The following HSF2BP variants were observed in gnomAD, a reference collection of about 807,000 sequenced individuals.
HSF2BP encodes heat shock factor 2-binding protein.
Under a neutral mutation model 35.0 loss-of-function variants are expected in HSF2BP, and 35 were observed. That is an observed-to-expected ratio of 1.00 (90% CI 0.76 to 1.32). HSF2BP has a LOEUF of 1.32. Ranked by LOEUF, HSF2BP falls within the 40% of genes most tolerant of loss-of-function variation. HSF2BP has a pLI of 0.00. For synonymous variants in HSF2BP, 114 were observed against 117.4 expected (o/e 0.97, Z 0.18); for missense variants, 326 against 321.7 (o/e 1.01, Z -0.10).
At chr21:43,594,833 C>T (rs1401809251) in intron 7 of HSF2BP, among the ~76,000 whole-genome samples, 1 of 152,036 alleles carries the variant, frequency 6.6e-6, no homozygotes, top group East Asian at 1.9e-4. Context: ...TAAATAAATC[C>T]AATTATTTCA....
intron 5 of HSF2BP, among the ~76,000 whole-genome samples, chr21:43,631,177 T>C (rs1374967779): frequency 6.6e-6 from 1 of 152,226 alleles, no homozygotes; most frequent in East Asian, 1.9e-4. Context: ...CAACAAACTT[T>C]TAAAAACACA....
chr21:43,598,676 G>C (rs1023834919), intron 7 of HSF2BP, among the ~76,000 whole-genome samples: 1 of 100,040 alleles, frequency 1.0e-5, no homozygotes, highest in Admixed American at 1.2e-4. Context: ...GTTCTTTCAA[G>C]TTTCACTGAC....
intron 7 of HSF2BP, among the ~76,000 whole-genome samples, chr21:43,594,502 T>A (rs563913624): frequency 6.6e-6 from 1 of 152,194 alleles, no homozygotes; most frequent in African/African-American, 2.4e-5. Flanking sequence ...CTTTCAAGTA[T>A]ACCAAATACA....
At chr21:43,586,842 C>A (rs1366830399) in intron 8 of HSF2BP, among the ~76,000 whole-genome samples, 1 of 151,612 alleles carries the variant, frequency 6.6e-6, no homozygotes, top group Non-Finnish European at 1.5e-5. Flanking sequence ...CTCTTGTTGC[C>A]CAGACTGAAG....
intron 8 of HSF2BP, 91 bp downstream of exon 8, chr21:43,592,133 CT>C: frequency 1.3e-6 from 1 of 775,610 alleles, no homozygotes; most frequent in Non-Finnish European, 2.3e-6. Context: ...TTTCAGACAT[CT>C]ACTAGGAAAC....
chr21:43,598,384 TTTTTG>T (rs1226905119), intron 7 of HSF2BP, among the ~76,000 whole-genome samples: 2 of 81,650 alleles, frequency 2.4e-5, no homozygotes, highest in African/African-American at 1.3e-4. Context: ...TTTGTGGGTT[TTTTTG>T]TTTTTTTTTT....
At chr21:43,603,260 C>T (rs1472389882) in intron 7 of HSF2BP, among the ~76,000 whole-genome samples, 2 of 152,166 alleles carry the variant, frequency 1.3e-5, no homozygotes, top group Non-Finnish European at 1.5e-5. Context: ...GCCAGGACAG[C>T]GCTCAGGGCC....
intron 8 of HSF2BP, among the ~76,000 whole-genome samples, chr21:43,583,067 A>G (rs1287526992): frequency 1.9e-4 from 2 of 10,424 alleles, no homozygotes; most frequent in African/African-American, 7.5e-4. Flanking sequence ...GGAGATGAGG[A>G]CCTGCTGAGG....
At chr21:43,628,451 T>G (rs1027528807) in intron 6 of HSF2BP, among the ~76,000 whole-genome samples, 1 of 152,150 alleles carries the variant, frequency 6.6e-6, no homozygotes, top group Non-Finnish European at 1.5e-5. Context: ...GCCCCAATGC[T>G]CTTCAATTCT....
At chr21:43,636,952 A>G (rs1017151349) in intron 4 of HSF2BP, among the ~76,000 whole-genome samples, 5 of 151,632 alleles carry the variant, frequency 3.3e-5, no homozygotes, top group African/African-American at 1.2e-4. Flanking sequence ...CCGCAGAAAA[A>G]CCTGTACACA....
At chr21:43,604,450 ACAC>A (rs1424991163) in intron 7 of HSF2BP, among the ~76,000 whole-genome samples, 1 of 137,442 alleles carries the variant, frequency 7.3e-6, no homozygotes, top group East Asian at 2.2e-4. Flanking sequence ...CACCACGCAC[ACAC>A]CACACACACA....
chr21:43,644,234 C>T, intron 4 of HSF2BP, 55 bp downstream of exon 4: 1 of 1,322,234 alleles, frequency 7.6e-7, no homozygotes, highest in Admixed American at 1.7e-5. Context: ...AAGTGAAAGG[C>T]TGTAAGCCAG....
chr21:43,646,185 A>G (rs377640562), intron 3 of HSF2BP, among the ~76,000 whole-genome samples: 2 of 151,536 alleles, frequency 1.3e-5, no homozygotes, highest in East Asian at 3.9e-4. Flanking sequence ...GAAATAGAGC[A>G]GAGTGCCTTT....
intron 7 of HSF2BP, among the ~76,000 whole-genome samples, chr21:43,598,085 T>C (rs2082007219): frequency 6.6e-6 from 1 of 152,218 alleles, no homozygotes; most frequent in African/African-American, 2.4e-5. Context: ...GCACTCAATT[T>C]ATCTACTGAA....
chr21:43,601,785 G>A (rs2082055686), intron 7 of HSF2BP, among the ~76,000 whole-genome samples: 2 of 152,060 alleles, frequency 1.3e-5, no homozygotes, highest in Admixed American at 6.6e-5. Context: ...TCTAAACTTA[G>A]GAATTTGAAC....
In HSF2BP at chr21:43,643,934, G is replaced by A. The variant is rs188702791; in HGVS notation, c.291+355C>T. Reference sequence around the variant, plus strand: ...TGCACCACTGCACTCCAGCCTGGGCGACAGAGCAAGACTCTGTCTCAAAAA... The same window carrying A: ...TGCACCACTGCACTCCAGCCTGGGCAACAGAGCAAGACTCTGTCTCAAAAA... On this transcript the variant is annotated intron_variant, in intron 4 of 8. Coordinates refer to ENST00000291560, the MANE Select transcript of HSF2BP (RefSeq NM_007031.2). 3.3e-3 allele frequency among the ~76,000 whole-genome samples: 494 copies of A among 148,604 alleles called. 3 individuals are homozygous for A. The highest frequency in any genetic ancestry group is 0.012 in the African/African-American group (466 of 40,344).
intron 7 of HSF2BP, among the ~76,000 whole-genome samples, chr21:43,607,281 C>T (rs1340123285): frequency 2.1e-4 from 31 of 150,636 alleles, no homozygotes. Flanking sequence ...AAGGGTGAGA[C>T]CCTGTCTCAA....
At chr21:43,602,134 A>G (rs1264572249) in intron 7 of HSF2BP, among the ~76,000 whole-genome samples, 1 of 152,144 alleles carries the variant, frequency 6.6e-6, no homozygotes, top group Non-Finnish European at 1.5e-5. Context: ...TGGACTCCAC[A>G]CTCTCCAGAA....
In HSF2BP at chr21:43,659,468, G is replaced by A. The variant is rs868017404; in HGVS notation, c.-307C>T. The A allele has an allele frequency of 2.5e-6, 1 of 396,640 alleles. No individual in the cohort carries two copies. Among genetic ancestry groups the A allele is most frequent in the Non-Finnish European group, 3.8e-6 (1 of 263,712 alleles). The allele number at this position is 396,640 out of a possible 1,614,324, so 24.6% of individuals were successfully genotyped here. On this transcript the variant is annotated 5_prime_UTR_variant, in exon 1 of 9. Coordinates refer to ENST00000291560, the MANE Select transcript of HSF2BP (RefSeq NM_007031.2). The surrounding 1 kb of genome is among the most constrained non-coding windows in gnomAD (Gnocchi z 4.2). ...CACGGGCTGGGCCGCTCCGCCAGCT[G>A]CCAGGGCCACTGCCGCGCTCACTCC...
Sources: allele counts gnomAD v4.1 joint callset (sites outside exome capture counted in the v4.1 genomes callset), GRCh38; gene constraint gnomAD v4.1.1; non-coding constraint Gnocchi (gnomAD v3.1); transcripts MANE v1.5; gene names NCBI Gene and HGNC (gene_info 2026-07-23, HGNC 2026-07-21).